Variants in ADORA2B observed in about 807,000 individuals in gnomAD.
ADORA2B encodes the protein adenosine receptor A2b.
Under a neutral mutation model 20.8 loss-of-function variants are expected in ADORA2B, and 18 were observed. That is an observed-to-expected ratio of 0.87 (90% CI 0.60 to 1.29). ADORA2B has a LOEUF of 1.29. Ranked by LOEUF, ADORA2B falls within the 50% of genes most tolerant of loss-of-function variation. The pLI is 0.00. For missense variants in ADORA2B, 441 were observed against 422.7 expected (o/e 1.04, Z -0.38); for synonymous variants, 179 against 178.3 (o/e 1.00, Z -0.03).
chr17:15,963,798 A>T (rs1339140901), intron 1 of ADORA2B, among the ~76,000 whole-genome samples: 1 of 152,174 alleles, frequency 6.6e-6, no homozygotes, highest in African/African-American at 2.4e-5. Context: ...AGTGCTGCCA[A>T]CTTTCTTGAC....
chr17:15,878,184 TACAC>T, the ADORA2B span, among the ~76,000 whole-genome samples: 1,435 of 143,888 alleles, frequency 1.0e-2, 28 homozygotes, highest in African/African-American at 0.03. Flanking sequence ...TGTGTGTGTA[TACAC>T]ACACACACAC....
chr17:15,917,525 C>G, the ADORA2B span, among the ~76,000 whole-genome samples: 1 of 152,242 alleles, frequency 6.6e-6, no homozygotes. Context: ...TGGGGTCTGA[C>G]GCCCGAGGAC....
Position 15,958,478 on chromosome 17 carries a change from C to G in ADORA2B, c.335+12895C>G, listed in dbSNP as rs1400506939. 2.6e-5 allele frequency among the ~76,000 whole-genome samples: 4 copies of G among 152,334 alleles called. No individual in the cohort carries two copies. In the East Asian group the frequency reaches 7.7e-4, roughly 29 times the overall value. On this transcript the variant is annotated intron_variant, in intron 1 of 1. Coordinates refer to ENST00000304222, the MANE Select transcript of ADORA2B (RefSeq NM_000676.4). The stretch of plus-strand genomic sequence containing the variant: ...GCTGCAATCTTTCTGAAATGAACCC[C>G]TGTGTGCACCTCCTTCCTTTACCCA...
the ADORA2B span, among the ~76,000 whole-genome samples, chr17:15,906,866 T>C: frequency 6.0e-4 from 91 of 152,374 alleles, no homozygotes; most frequent in Non-Finnish European, 1.0e-3. Flanking sequence ...TAACAATGTA[T>C]CAAATATTTT....
intron 1 of ADORA2B, among the ~76,000 whole-genome samples, chr17:15,948,880 G>A (rs1373668028): frequency 2.0e-5 from 3 of 152,094 alleles, no homozygotes; most frequent in Non-Finnish European, 2.9e-5. Flanking sequence ...AGGAGTTGGC[G>A]GGGGGTTCTG....
chr17:15,893,576 G>GCTTT, the ADORA2B span, among the ~76,000 whole-genome samples: 2 of 146,594 alleles, frequency 1.4e-5, no homozygotes, highest in Non-Finnish European at 3.0e-5. Flanking sequence ...AGAAAGCCCT[G>GCTTT]CTGGAATCTC....
chr17:15,973,322 T>C (rs2151611549), intron 1 of ADORA2B, among the ~76,000 whole-genome samples: 1 of 152,344 alleles, frequency 6.6e-6, no homozygotes. Flanking sequence ...TACTCTGCTT[T>C]TTCATGTTTC....
chr17:15,964,253 G>A (rs1428238697), intron 1 of ADORA2B, among the ~76,000 whole-genome samples: 2 of 152,172 alleles, frequency 1.3e-5, no homozygotes, highest in Non-Finnish European at 2.9e-5. Context: ...TTCCTTAAAT[G>A]TTTGGCAGAA....
chr17:15,928,260 G>A, the ADORA2B span, among the ~76,000 whole-genome samples: 3 of 152,254 alleles, frequency 2.0e-5, no homozygotes, highest in African/African-American at 7.2e-5. Flanking sequence ...GGCAGATCTC[G>A]CTTGGGAGGA....
chr17:15,975,086 T>C lies in ADORA2B; in HGVS notation c.743T>C (p.Leu248Ser). ...GTGGGGATTTTTGCCCTGTGCTGGTTACCTGTGCATGCTGTTAACTGTGTC... is the reference window on the plus strand; with the variant it reads ...GTGGGGATTTTTGCCCTGTGCTGGTCACCTGTGCATGCTGTTAACTGTGTC... The part of the protein sequence containing the change: ...MIVGIFALCW[L>S]PVHAVNCVTL... Residue 248 changes from leucine (L) to serine (S), a missense_variant, in exon 2 of 2, where the codon TTA (leucine) becomes TCA (serine). By Grantham distance (145) the Leu-to-Ser change is moderately radical. Transcript: ENST00000304222. 2 of 1,614,164 alleles carry C rather than the reference T, an allele frequency of 1.2e-6. No individual in the cohort carries two copies. Among genetic ancestry groups the C allele is most frequent in the Non-Finnish European group, 1.7e-6 (2 of 1,180,012 alleles).
the ADORA2B span, among the ~76,000 whole-genome samples, chr17:15,858,206 C>G: frequency 1.3e-5 from 2 of 152,100 alleles, no homozygotes; most frequent in African/African-American, 4.8e-5. Flanking sequence ...ATGGCTACAC[C>G]ATTGTACGCT....
At chr17:15,923,866 T>C in the ADORA2B span, among the ~76,000 whole-genome samples, 1 of 152,176 alleles carries the variant, frequency 6.6e-6, no homozygotes, top group African/African-American at 2.4e-5. Flanking sequence ...AAAATTTTTT[T>C]AATTTTTGTC....
At chr17:15,955,687 C>A (rs1275115271) in intron 1 of ADORA2B, among the ~76,000 whole-genome samples, 1 of 149,968 alleles carries the variant, frequency 6.7e-6, no homozygotes, top group East Asian at 2.0e-4. Flanking sequence ...GGACCACAGG[C>A]GTGAGCCACC....
At chr17:15,875,009 G>A in the ADORA2B span, among the ~76,000 whole-genome samples, 2 of 151,926 alleles carry the variant, frequency 1.3e-5, no homozygotes, top group Non-Finnish European at 2.9e-5. Flanking sequence ...TGAAAGTGAA[G>A]CACTTTTTAT....
At chr17:15,935,676 C>T in the ADORA2B span, among the ~76,000 whole-genome samples, 2 of 151,736 alleles carry the variant, frequency 1.3e-5, no homozygotes, top group Non-Finnish European at 2.9e-5. Context: ...TCTGATTTTG[C>T]GTATATTGGT....
At chr17:15,858,247 C>T in the ADORA2B span, among the ~76,000 whole-genome samples, 1 of 152,098 alleles carries the variant, frequency 6.6e-6, no homozygotes, top group Admixed American at 6.6e-5. Flanking sequence ...GTTTCTCTGC[C>T]TCCTCACCAG....
the ADORA2B span, among the ~76,000 whole-genome samples, chr17:15,867,730 C>T: frequency 6.6e-6 from 1 of 150,590 alleles, no homozygotes. Context: ...GCGCCTCTGC[C>T]CGGCCGCCCC....
chr17:15,912,228 A>AC, the ADORA2B span, among the ~76,000 whole-genome samples: 1 of 151,522 alleles, frequency 6.6e-6, no homozygotes, highest in African/African-American at 2.4e-5. Context: ...AAAAAAAAAA[A>AC]AAAAGCCAGG....
At chr17:15,859,195 C>T in the ADORA2B span, among the ~76,000 whole-genome samples, 11 of 152,094 alleles carry the variant, frequency 7.2e-5, no homozygotes, top group Non-Finnish European at 1.2e-4. Flanking sequence ...GTAAATACCT[C>T]ATTGACAGTA....
Sources: gnomAD v4.1 joint callset for allele counts (sites outside exome capture counted in the v4.1 genomes callset) on GRCh38, gnomAD v4.1.1 for gene constraint, MANE v1.5 for transcripts, NCBI Gene and HGNC (gene_info 2026-07-23, HGNC 2026-07-21) for gene names.